The following CHD7 variants were observed in gnomAD, a reference collection of about 807,000 sequenced individuals.
The protein encoded by CHD7 is ATP-dependent chromatin remodeler CHD7.
In CHD7, 24 loss-of-function variants were observed where a neutral mutation model predicts 307.3. The ratio of observed to expected loss-of-function variants is 0.08; its 90% CI spans 0.06 to 0.11. CHD7 has a LOEUF of 0.11. Ranked by LOEUF, CHD7 falls within the 10% of genes least tolerant of loss-of-function variation. CHD7 has a pLI of 1.00. For missense variants in CHD7, 3,106 were observed against 3,727.1 expected, an observed-to-expected ratio of 0.83 and a Z score of 4.34; for synonymous variants, 1,363 against 1,349.9, an observed-to-expected ratio of 1.01 and a Z score of -0.21.
chr8:60,678,904 CG>C lies in CHD7; in HGVS notation c.-351del, dbSNP rs1554569064. The C allele has an allele frequency of 6.6e-6, 1 of 152,554 alleles. No individual in the cohort carries two copies. Among genetic ancestry groups the C allele is most frequent in the Non-Finnish European group, 1.5e-5 (1 of 68,314 alleles). 9.5% of individuals were successfully genotyped at this position (152,554 alleles called of 1,614,324 possible). On this transcript the variant is annotated 5_prime_UTR_variant, in exon 1 of 38. Coordinates refer to ENST00000423902, the MANE Select transcript of CHD7 (RefSeq NM_017780.4). The stretch of plus-strand genomic sequence containing the variant: ...AGTGAAATTACACAAAGGAGCGCCG[CG>C]GAGGAGGCGGCCCGGGGACCCGGAC...
chr8:60,818,789 G>T lies in CHD7; in HGVS notation c.2614-1218G>T, dbSNP rs565276659. 4.6e-5 allele frequency among the ~76,000 whole-genome samples: 7 copies of T among 152,302 alleles called. No individual in the cohort carries two copies. The East Asian group carries it at 7.7e-4, about 17-fold the overall frequency. ...TATCTTTTCCACCTGCAATTCAAGG[G>T]ATAAGAATGGTGTCTAAGTGACTTC... On this transcript the variant is annotated intron_variant, in intron 8 of 37. Transcript: ENST00000423902.
At chr8:60,786,303 A>C (rs1277013422) in intron 3 of CHD7, among the ~76,000 whole-genome samples, 1 of 152,226 alleles carries the variant, frequency 6.6e-6, no homozygotes, top group Non-Finnish European at 1.5e-5. Context: ...AGCTGCTTTT[A>C]GTACAGACCC....
intron 9 of CHD7, among the ~76,000 whole-genome samples, chr8:60,821,182 T>C (rs1344831415): frequency 2.0e-5 from 3 of 152,208 alleles, no homozygotes; most frequent in Non-Finnish European, 2.9e-5. Context: ...TATGTAAACA[T>C]TGAAATATGC....
chr8:60,764,576 T>C (rs893803844), intron 2 of CHD7, among the ~76,000 whole-genome samples: 25 of 152,222 alleles, frequency 1.6e-4, no homozygotes, highest in African/African-American at 5.8e-4. Flanking sequence ...TTGACTCTTA[T>C]TTAGAATATT....
At position 60,850,611 on chromosome 8, in the gene CHD7, T is replaced by C. The variant is rs753258403; in HGVS notation, c.5523T>C (p.Asp1841=). Residue 1841 remains aspartate, a synonymous_variant, in exon 26 of 38, where the codon GAT becomes GAC. Coordinates refer to ENST00000423902, the MANE Select transcript of CHD7 (RefSeq NM_017780.4). ...AEQRGTDMLA[D]GGDGGEFDRE... ...AAAGAGGAACAGACATGCTAGCAGATGGTGGTGACGGGTAAGAAGGACATT... is the reference window on the plus strand; with the variant it reads ...AAAGAGGAACAGACATGCTAGCAGACGGTGGTGACGGGTAAGAAGGACATT... The C allele has an allele frequency of 1.9e-6, 3 of 1,612,236 alleles. No individual in the cohort carries two copies. Among genetic ancestry groups the C allele is most frequent in the Non-Finnish European group, 2.5e-6 (3 of 1,179,044 alleles).
chr8:60,829,443 A>G (rs1054957353), intron 14 of CHD7, among the ~76,000 whole-genome samples: 1 of 152,188 alleles, frequency 6.6e-6, no homozygotes, highest in African/African-American at 2.4e-5. Flanking sequence ...ACTAAAAAAA[A>G]TACAAAAATT....
chr8:60,785,587 G>A (rs980938519), intron 3 of CHD7, among the ~76,000 whole-genome samples: 1 of 152,118 alleles, frequency 6.6e-6, no homozygotes, highest in Non-Finnish European at 1.5e-5. Context: ...GAGTAGCAAC[G>A]TTTACCTGAG....
chr8:60,843,221 A>C (rs1164935008), intron 21 of CHD7, among the ~76,000 whole-genome samples: 2 of 152,174 alleles, frequency 1.3e-5, no homozygotes, highest in Admixed American at 1.3e-4. Context: ...TGTTCAACAG[A>C]AGTCCATCAT....
Position 60,865,417 on chromosome 8 carries a change from C to T in CHD7, c.8478C>T (p.Asn2826=), listed in dbSNP as rs202076455. 1.4e-4 allele frequency: 218 copies of T among 1,613,750 alleles called. No individual in the cohort carries two copies. The highest frequency in any genetic ancestry group is 1.7e-4 in the Non-Finnish European group (201 of 1,179,888). Residue 2826 remains asparagine (N), a synonymous_variant, in exon 38 of 38, where the codon AAC becomes AAT. Transcript: ENST00000423902. The surrounding 1 kb of genome is among the most constrained non-coding windows in gnomAD (Gnocchi z 4.3). ...LNNPLSAATG[N]TTTASSQGEP... ...ACCCTCTGTCAGCTGCTACTGGAAA[C>T]ACCACTACTGCTTCTAGTCAAGGAG... is the stretch of plus-strand genomic sequence containing the variant.
chr8:60,830,024 A>G (rs1804430988), intron 14 of CHD7, among the ~76,000 whole-genome samples: 2 of 152,176 alleles, frequency 1.3e-5, no homozygotes, highest in Admixed American at 6.5e-5. Flanking sequence ...ATGGCTTAGG[A>G]CAAACAGAAG....
intron 1 of CHD7, among the ~76,000 whole-genome samples, chr8:60,732,004 A>T (rs561657676): frequency 6.6e-6 from 1 of 152,324 alleles, no homozygotes; most frequent in Non-Finnish European, 1.5e-5. Context: ...TTTATTCATG[A>T]TGGATAAGAC....
At chr8:60,834,207 A>T (rs901165152) in intron 15 of CHD7, among the ~76,000 whole-genome samples, 1 of 152,192 alleles carries the variant, frequency 6.6e-6, no homozygotes, top group African/African-American at 2.4e-5. Context: ...CAAATATCTG[A>T]TGTTTATTTT....
At chr8:60,734,412 A>G (rs1443868089) in intron 1 of CHD7, among the ~76,000 whole-genome samples, 1 of 152,198 alleles carries the variant, frequency 6.6e-6, no homozygotes, top group African/African-American at 2.4e-5. Context: ...AAAGAGAGGG[A>G]GGTGAACACA....
intron 1 of CHD7, among the ~76,000 whole-genome samples, chr8:60,689,408 A>G (rs1214622295): frequency 6.6e-5 from 10 of 152,238 alleles, no homozygotes; most frequent in African/African-American, 1.9e-4. Flanking sequence ...GGATTAGTCA[A>G]AATGCTGAGG....
intron 15 of CHD7, among the ~76,000 whole-genome samples, chr8:60,835,521 T>C (rs1318698112): frequency 6.6e-6 from 1 of 152,208 alleles, no homozygotes; most frequent in Non-Finnish European, 1.5e-5. Context: ...CCCCCACAAA[T>C]ATTCCAGGAA....
intron 1 of CHD7, among the ~76,000 whole-genome samples, chr8:60,700,088 T>C (rs780052961): frequency 2.6e-5 from 4 of 152,176 alleles, no homozygotes; most frequent in African/African-American, 7.2e-5. Flanking sequence ...TCTGCCCTCC[T>C]CGGCCTCCCA....
rs1273425384 is a variant in CHD7, at chr8:60,862,608, G to C, written c.8032G>C (p.Glu2678Gln). 3 of 1,575,200 alleles carry C rather than the reference G, an allele frequency of 1.9e-6. No individual in the cohort carries two copies. Among genetic ancestry groups the C allele is most frequent in the Non-Finnish European group, 2.6e-6 (3 of 1,159,160 alleles). ...ACCCAGGTGGCTGGAAGAAAATCCT[G>C]AATTTGCAGTTGCTCCAGACTGGAC... ...DLPRWLEENP[E>Q]FAVAPDWTDI... Residue 2678 changes from glutamate (E) to glutamine (Q), a missense_variant, in exon 37 of 38, where the codon GAA becomes CAA. By Grantham distance (29) the Glu-to-Gln change is conservative. Transcript: ENST00000423902.
intron 23 of CHD7, among the ~76,000 whole-genome samples, chr8:60,846,122 G>T (rs973012287): frequency 6.6e-6 from 1 of 152,160 alleles, no homozygotes; most frequent in Non-Finnish European, 1.5e-5. Flanking sequence ...CGGACACTTG[G>T]GCTAGTTATC....
intron 1 of CHD7, among the ~76,000 whole-genome samples, chr8:60,722,164 A>G (rs1265406380): frequency 6.6e-6 from 1 of 152,166 alleles, no homozygotes; most frequent in Non-Finnish European, 1.5e-5. Flanking sequence ...CCCCACAGCA[A>G]CTTCTCTTAA....
Sources: allele counts gnomAD v4.1 joint callset (sites outside exome capture counted in the v4.1 genomes callset), GRCh38; gene constraint gnomAD v4.1.1; non-coding constraint Gnocchi (gnomAD v3.1); transcripts MANE v1.5; gene names NCBI Gene and HGNC (gene_info 2026-07-23, HGNC 2026-07-21).